GBE1: variants seen among roughly 807,000 people sequenced by gnomAD.
The protein encoded by GBE1 is 1,4-alpha-glucan-branching enzyme.
In GBE1, 70 loss-of-function variants were observed where a neutral mutation model predicts 88.8. That is an observed-to-expected ratio of 0.79 (90% confidence interval 0.65 to 0.96). The LOEUF (loss-of-function observed/expected upper bound fraction) is 0.96, where lower values mean the gene tolerates loss of function less well. Ranked by LOEUF, GBE1 falls within the 40% of genes least tolerant of loss-of-function variation. The pLI, the probability that GBE1 is intolerant of heterozygous loss-of-function variation, is 0.00. For missense variants in GBE1, 872 were observed against 871.0 expected (o/e 1.00, Z -0.01); for synonymous variants, 284 against 300.1 (o/e 0.95, Z 0.56).
chr3:81,576,558 A>C (rs1291695091), intron 12 of GBE1, among the ~76,000 whole-genome samples: 1 of 152,210 alleles, frequency 6.6e-6, no homozygotes, highest in East Asian at 1.9e-4. Context: ...TGGCTGTATA[A>C]CTAAGGCCTT....
intron 14 of GBE1, among the ~76,000 whole-genome samples, chr3:81,511,528 G>C (rs963011312): frequency 1.3e-5 from 2 of 151,848 alleles, no homozygotes; most frequent in African/African-American, 4.8e-5. Flanking sequence ...CAAAAGACAT[G>C]ACCAGACACT....
At chr3:81,612,242 A>G (rs939921146) in intron 7 of GBE1, 22 of 532,358 alleles carry the variant, frequency 4.1e-5, no homozygotes, top group Non-Finnish European at 5.5e-5. Context: ...AAAAAAAAAA[A>G]ACTTAAAGAA....
intron 7 of GBE1, among the ~76,000 whole-genome samples, chr3:81,610,851 G>A (rs946854848): frequency 6.6e-6 from 1 of 152,014 alleles, no homozygotes; most frequent in Non-Finnish European, 1.5e-5. Context: ...AATTTAGCCC[G>A]TTAAAAACAT....
intron 13 of GBE1, 78 bp from the exon 14 acceptor site, chr3:81,535,403 A>G: frequency 7.1e-7 from 1 of 1,406,554 alleles, no homozygotes; most frequent in Non-Finnish European, 9.5e-7. Context: ...TGTCTTTCTT[A>G]ATAGTCTGGT....
At chr3:81,551,293 A>G (rs1703269401) in intron 12 of GBE1, among the ~76,000 whole-genome samples, 1 of 152,202 alleles carries the variant, frequency 6.6e-6, no homozygotes, top group African/African-American at 2.4e-5. Context: ...GATTTTACAC[A>G]ACCATAAAAA....
chr3:81,730,365 C>A (rs899857127), intron 1 of GBE1, among the ~76,000 whole-genome samples: 10 of 152,088 alleles, frequency 6.6e-5, no homozygotes, highest in African/African-American at 2.4e-4. Flanking sequence ...AATGTGGGTC[C>A]AGGAATGAAA....
At chr3:81,741,738 T>C (rs925697538) in intron 1 of GBE1, among the ~76,000 whole-genome samples, 2 of 150,346 alleles carry the variant, frequency 1.3e-5, no homozygotes, top group African/African-American at 4.9e-5. Flanking sequence ...ACATGTATGA[T>C]ATATAAAAAG....
chr3:81,752,477 T>G (rs781313638), intron 1 of GBE1, among the ~76,000 whole-genome samples: 4 of 152,104 alleles, frequency 2.6e-5, no homozygotes, highest in African/African-American at 4.8e-5. Flanking sequence ...AGCAGTCAGA[T>G]GAAAGAAAAG....
chr3:81,741,913 C>T (rs1219045394), intron 1 of GBE1, among the ~76,000 whole-genome samples: 2 of 148,688 alleles, frequency 1.3e-5, no homozygotes, highest in Admixed American at 6.7e-5. Context: ...TAGTTTAGCC[C>T]TCCACCTCCC....
intron 14 of GBE1, among the ~76,000 whole-genome samples, chr3:81,531,300 T>A (rs1210549378): frequency 3.3e-5 from 5 of 151,474 alleles, no homozygotes; most frequent in African/African-American, 1.2e-4. Flanking sequence ...GCTTTAGGAG[T>A]CTGCTTGGTG....
At position 81,642,899 on chromosome 3, in the gene GBE1, C is replaced by T; in HGVS notation, c.874G>A (p.Ala292Thr). ...AATCCATCTGCTGAATTTTTTGAAG[C>T]ATGGCTGTGTACCACATCTAAGAGG... ...IVLLDVVHSH[A>T]SKNSADGLNM... The change falls in exon 7 of 16, where the codon GCT becomes ACT. Residue 292 changes from alanine to threonine, a missense_variant. Physicochemically the swap from Ala to Thr is moderately conservative, Grantham distance 58. Transcript: ENST00000429644. 2 of 1,613,000 alleles carry T rather than the reference C, an allele frequency of 1.2e-6. No individual in the cohort carries two copies. Among genetic ancestry groups the T allele is most frequent in the Non-Finnish European group, 8.5e-7 (1 of 1,179,138 alleles).
intron 6 of GBE1, among the ~76,000 whole-genome samples, chr3:81,643,474 G>A (rs1704720864): frequency 6.6e-6 from 1 of 152,082 alleles, no homozygotes; most frequent in South Asian, 2.1e-4. Context: ...CCAAGACAAT[G>A]TGCCACGTTT....
At chr3:81,601,100 T>C (rs922407640) in intron 7 of GBE1, among the ~76,000 whole-genome samples, 2 of 152,120 alleles carry the variant, frequency 1.3e-5, no homozygotes, top group Non-Finnish European at 2.9e-5. Flanking sequence ...GAGCTAGCTT[T>C]CAATGGGCTG....
Position 81,499,146 on chromosome 3 carries a change from C to T in GBE1, c.2016G>A (p.Glu672=), listed in dbSNP as rs571448518. Residue 672 remains glutamate (E), a synonymous_variant, in exon 15 of 16, where the codon GAG becomes GAA. Coordinates refer to ENST00000429644, the MANE Select transcript of GBE1 (RefSeq NM_000158.4). ...AGGGACGCCCATTATGTTCAAAAGCCTCAGAAAAAAAGTCAGTGCTGTGGT... is the reference window on the plus strand; with the variant it reads ...AGGGACGCCCATTATGTTCAAAAGCTTCAGAAAAAAAGTCAGTGCTGTGGT... ...RLDHSTDFFS[E]AFEHNGRPYS... 1.3e-4 allele frequency: 212 copies of T among 1,610,448 alleles called. 3 individuals carry two copies. In the South Asian group the frequency reaches 2.3e-3, roughly 17 times the overall value.
At chr3:81,669,684 T>C (rs990478674) in intron 3 of GBE1, among the ~76,000 whole-genome samples, 1 of 151,810 alleles carries the variant, frequency 6.6e-6, no homozygotes, top group African/African-American at 2.4e-5. Flanking sequence ...TATACTGACA[T>C]GGAAAGGGGA....
At chr3:81,567,694 A>G (rs1216574872) in intron 12 of GBE1, among the ~76,000 whole-genome samples, 1 of 152,036 alleles carries the variant, frequency 6.6e-6, no homozygotes, top group Non-Finnish European at 1.5e-5. Flanking sequence ...GATTAAATCT[A>G]CCTCCAAAAT....
intron 14 of GBE1, among the ~76,000 whole-genome samples, chr3:81,510,884 C>A (rs1395280554): frequency 1.3e-5 from 2 of 151,980 alleles, no homozygotes. Flanking sequence ...TTGAAATCTG[C>A]TGAGAGCTGA....
intron 14 of GBE1, among the ~76,000 whole-genome samples, chr3:81,522,209 G>A (rs1702883214): frequency 1.3e-5 from 2 of 151,558 alleles, no homozygotes; most frequent in Non-Finnish European, 3.0e-5. Flanking sequence ...TTTCTGATTT[G>A]AATAGCTGGC....
intron 15 of GBE1, among the ~76,000 whole-genome samples, chr3:81,494,298 T>C (rs977804845): frequency 6.6e-5 from 10 of 152,310 alleles, no homozygotes; most frequent in African/African-American, 2.2e-4. Context: ...GAACGTAAGA[T>C]AATCAGAGCT....
Sources: allele counts gnomAD v4.1 joint callset (sites outside exome capture counted in the v4.1 genomes callset), GRCh38; gene constraint gnomAD v4.1.1; transcripts MANE v1.5; gene names NCBI Gene and HGNC (gene_info 2026-07-23, HGNC 2026-07-21).